TNRC6A: variants seen among roughly 807,000 people sequenced by gnomAD.
The protein encoded by TNRC6A is trinucleotide repeat containing adaptor 6A.
Under a neutral mutation model 221.2 loss-of-function variants are expected in TNRC6A, and 44 were observed. That is an observed-to-expected ratio of 0.20 (90% CI 0.16 to 0.26). The LOEUF is 0.26. Ranked by LOEUF, TNRC6A falls within the 10% of genes least tolerant of loss-of-function variation. The probability of loss-of-function intolerance (pLI) is 1.00; values close to 1 mark genes in which losing one functional copy is unlikely to be tolerated. For synonymous variants in TNRC6A, 847 were observed against 838.5 expected (o/e 1.01, Z -0.18); for missense variants, 2,199 against 2,404.4 (o/e 0.91, Z 1.79).
chr16:24,644,132 G>T (rs778823404), intron 2 of TNRC6A, among the ~76,000 whole-genome samples: 15 of 118,654 alleles, frequency 1.3e-4, no homozygotes, highest in Non-Finnish European at 1.9e-4. Flanking sequence ...TGTCGCCCAG[G>T]CTGGAGTGCA....
chr16:24,715,997 C>T (rs1029357231), intron 2 of TNRC6A, among the ~76,000 whole-genome samples: 2 of 152,086 alleles, frequency 1.3e-5, no homozygotes, highest in Non-Finnish European at 1.5e-5. Context: ...ATCCATAGAT[C>T]TCTGGAATTC....
chr16:24,729,136 A>G (rs1226360506), upstream of TNRC6A, among the ~76,000 whole-genome samples: 1 of 152,024 alleles, frequency 6.6e-6, no homozygotes, highest in African/African-American at 2.4e-5. Flanking sequence ...AATCGCTTTT[A>G]AGCCTCACAA....
intron 5 of TNRC6A, among the ~76,000 whole-genome samples, chr16:24,784,365 C>T (rs145577623): frequency 1.3e-5 from 2 of 152,272 alleles, no homozygotes; most frequent in East Asian, 1.9e-4. Context: ...AGCTCTGTCT[C>T]CTAGGCTGAG....
upstream of TNRC6A, among the ~76,000 whole-genome samples, chr16:24,729,488 G>A (rs1316016467): frequency 6.6e-6 from 1 of 151,736 alleles, no homozygotes; most frequent in Non-Finnish European, 1.5e-5. Context: ...TCCGCGGGGC[G>A]CCTCGGAGGC....
At chr16:24,684,264 G>A (rs1466558182) in intron 2 of TNRC6A, among the ~76,000 whole-genome samples, 1 of 152,080 alleles carries the variant, frequency 6.6e-6, no homozygotes, top group East Asian at 1.9e-4. Context: ...AGATTAGCTA[G>A]GTGTGGTGGT....
At chr16:24,784,449 A>G (rs1479908897) in intron 5 of TNRC6A, among the ~76,000 whole-genome samples, 2 of 152,164 alleles carry the variant, frequency 1.3e-5, no homozygotes, top group Admixed American at 6.5e-5. Flanking sequence ...TCAGCCTCTT[A>G]AGGAGCTGGG....
At chr16:24,766,877 G>A (rs1263431866) in intron 4 of TNRC6A, among the ~76,000 whole-genome samples, 2 of 151,886 alleles carry the variant, frequency 1.3e-5, no homozygotes, top group South Asian at 2.1e-4. Flanking sequence ...GGGTTTCACT[G>A]TGTTGACCAG....
intron 1 of TNRC6A, among the ~76,000 whole-genome samples, chr16:24,636,116 C>T (rs933918457): frequency 2.0e-5 from 3 of 152,182 alleles, no homozygotes; most frequent in Non-Finnish European, 2.9e-5. Flanking sequence ...AGGCATGTGA[C>T]GGAAACCGTC....
chr16:24,766,656 G>T (rs2057477548), intron 4 of TNRC6A, among the ~76,000 whole-genome samples: 1 of 147,302 alleles, frequency 6.8e-6, no homozygotes, highest in Non-Finnish European at 1.5e-5. Context: ...ATAATCACTT[G>T]TACTTTTTTC....
At chr16:24,685,205 G>A (rs1596491001) in intron 2 of TNRC6A, among the ~76,000 whole-genome samples, 1 of 152,142 alleles carries the variant, frequency 6.6e-6, no homozygotes, top group South Asian at 2.1e-4. Context: ...GCTTAGCTTA[G>A]AGTAAGTGCT....
At chr16:24,703,135 T>C (rs2056022956) in intron 2 of TNRC6A, among the ~76,000 whole-genome samples, 1 of 152,154 alleles carries the variant, frequency 6.6e-6, no homozygotes, top group African/African-American at 2.4e-5. Flanking sequence ...ATCACCACAA[T>C]CAATTTTAGA....
At chr16:24,664,624 TA>T (rs960783648) in intron 2 of TNRC6A, among the ~76,000 whole-genome samples, 1 of 142,102 alleles carries the variant, frequency 7.0e-6, no homozygotes, top group African/African-American at 2.6e-5. Flanking sequence ...TAAATATAAA[TA>T]TATATTATTA....
rs778813383 is a variant in TNRC6A at position 24,806,711 on chromosome 16, T to C, written c.4467T>C (p.Asn1489=). Residue 1489 remains asparagine, a synonymous_variant, in exon 17 of 25, where the codon AAT becomes AAC. Coordinates refer to ENST00000395799, the MANE Select transcript of TNRC6A (RefSeq NM_014494.4). The part of the protein sequence containing the change: ...HQPAMKSFLD[N]VMPHTTPELQ... ...CAGCCATGAAGTCTTTCCTTGACAA[T>C]GTCATGCCCCACACTACACCTGAGC... The C allele has an allele frequency of 3.2e-5, 51 of 1,614,052 alleles. No homozygotes were observed. In the Admixed American group the frequency reaches 3.5e-4, roughly 11 times the overall value.
chr16:24,763,464 G>A (rs992277608), intron 4 of TNRC6A, among the ~76,000 whole-genome samples: 1 of 152,090 alleles, frequency 6.6e-6, no homozygotes, highest in Non-Finnish European at 1.5e-5. Context: ...TTTTTAGTTT[G>A]TCCCCTTCTC....
At chr16:24,752,344 T>C (rs967607295) in intron 3 of TNRC6A, among the ~76,000 whole-genome samples, 2 of 152,176 alleles carry the variant, frequency 1.3e-5, no homozygotes, top group African/African-American at 4.8e-5. Flanking sequence ...TGATAAATAA[T>C]TCAGTTCTGC....
In TNRC6A at chr16:24,825,383, A is replaced by G. The variant is rs577904467; in HGVS notation, c.*1576A>G. On this transcript the variant is annotated 3_prime_UTR_variant, in exon 25 of 25. Transcript: ENST00000395799. ...CTGTTTACAAATAGAATGTGATTGT[A>G]AAATGTACAGTTTGGTTGTGTTTGA... 5.2e-5 allele frequency: 8 copies of G among 152,784 alleles called. No individual in the cohort carries two copies. Among genetic ancestry groups the G allele is most frequent in the Middle Eastern group, 3.4e-3 (1 of 294 alleles). The allele number at this position is 152,784 out of a possible 1,614,324, so 9.5% of individuals were successfully genotyped here. A position where few individuals can be genotyped will look rare whatever the true frequency, so the allele number is the denominator to read the frequency against.
chr16:24,718,011 C>T (rs2056346231), intron 2 of TNRC6A, among the ~76,000 whole-genome samples: 1 of 152,094 alleles, frequency 6.6e-6, no homozygotes, highest in East Asian at 1.9e-4. Flanking sequence ...CTCCTGATCC[C>T]TGGTGATCCA....
In TNRC6A at chr16:24,693,539, G is replaced by C. The variant is rs183856108; in HGVS notation, n.402+52530G>C. Among the ~76,000 whole-genome samples the C allele has an allele frequency of 9.8e-4, 149 of 152,220 alleles. 1 individual carries two copies. Among genetic ancestry groups the C allele is most frequent in the Non-Finnish European group, 1.8e-3 (124 of 68,024 alleles). ...GGAGGCAGAGGTTGCAGTGAGCCGA[G>C]ATCGCGCCACTGCACTCCAGCCTGG... On this transcript the variant is annotated intron_variant and non_coding_transcript_variant, in intron 2 of 2. Coordinates refer to the TNRC6A transcript ENST00000566108.
chr16:24,728,530 C>T (rs2151127489), upstream of TNRC6A, among the ~76,000 whole-genome samples: 1 of 151,536 alleles, frequency 6.6e-6, no homozygotes. Context: ...GGATGATCCA[C>T]AGAGTGGGGT....
Sources: gnomAD v4.1 joint callset for allele counts (sites outside exome capture counted in the v4.1 genomes callset) on GRCh38, gnomAD v4.1.1 for gene constraint, MANE v1.5 for transcripts, NCBI Gene and HGNC (gene_info 2026-07-23, HGNC 2026-07-21) for gene names.